ARHGEF33: variants seen among roughly 807,000 people sequenced by gnomAD.
ARHGEF33 encodes DH and coiled-coil domain-containing protein ENSP00000381780.
Under a neutral mutation model 101.9 loss-of-function variants are expected in ARHGEF33, and 72 were observed. The observed-to-expected ratio is 0.71, with a 90% CI of 0.58 to 0.86. ARHGEF33 has a LOEUF of 0.86. Ranked by LOEUF, ARHGEF33 falls within the 40% of genes least tolerant of loss-of-function variation. The pLI, the probability that ARHGEF33 is intolerant of heterozygous loss-of-function variation, is 0.00. For synonymous variants in ARHGEF33, 499 were observed against 442.5 expected (o/e 1.13, Z -1.60); for missense variants, 1,169 against 1,111.3 (o/e 1.05, Z -0.74).
intron 6 of ARHGEF33, 136 bp from the exon 7 acceptor site, chr2:38,930,973 A>G (rs1230306033): frequency 3.2e-6 from 2 of 624,396 alleles, no homozygotes; most frequent in African/African-American, 1.8e-5. Context: ...GACCACTTTT[A>G]ATTTTCAAAA....
chr2:38,896,655 A>T (rs1311969976), intron 2 of ARHGEF33, among the ~76,000 whole-genome samples: 2 of 152,250 alleles, frequency 1.3e-5, no homozygotes, highest in East Asian at 3.8e-4. Context: ...AAAATGAAAT[A>T]AGTAGCACAG....
At chr2:38,909,861 G>T (rs1428337798) in intron 2 of ARHGEF33, among the ~76,000 whole-genome samples, 1 of 151,292 alleles carries the variant, frequency 6.6e-6, no homozygotes, top group African/African-American at 2.4e-5. Flanking sequence ...TTGTTTTCTT[G>T]CGTTACATTG....
chr2:38,957,296 C>T (rs1463494427), intron 14 of ARHGEF33, among the ~76,000 whole-genome samples: 1 of 152,224 alleles, frequency 6.6e-6, no homozygotes, highest in African/African-American at 2.4e-5. Context: ...TCCCATGTTG[C>T]TAACCACCTC....
Position 38,960,384 on chromosome 2 carries a change from G to A in ARHGEF33, c.2079G>A (p.Glu693=), listed in dbSNP as rs13020273. 5.3e-6 allele frequency: 8 copies of A among 1,511,358 alleles called. No homozygotes were observed. The highest frequency in any genetic ancestry group is 7.0e-6 in the Non-Finnish European group (8 of 1,135,014). The allele number at this position is 1,511,358 out of a possible 1,614,324, so 93.6% of individuals were successfully genotyped here. A position where few individuals can be genotyped will look rare whatever the true frequency, so the allele number is the denominator to read the frequency against. ...GCAGCAGCAGCGCCTACAAACTGGAGGCGGCGGCGCAGGCGCACGGCAAGG... is the reference window on the plus strand; with the variant it reads ...GCAGCAGCAGCGCCTACAAACTGGAAGCGGCGGCGCAGGCGCACGGCAAGG... The part of the protein sequence containing the change: ...PAGSSSAYKL[E]AAAQAHGKAK... Residue 693 remains glutamate (E), a synonymous_variant, in exon 16 of 18, where the codon GAG becomes GAA. Transcript: ENST00000409978.
chr2:38,942,468 C>CTTT (rs58695451), intron 9 of ARHGEF33, among the ~76,000 whole-genome samples: 38,784 of 132,528 alleles, frequency 0.29, 6,044 homozygotes, highest in Admixed American at 0.34. Flanking sequence ...CCCCTCTTAT[C>CTTT]TTTTTTTTTT....
intron 2 of ARHGEF33, among the ~76,000 whole-genome samples, chr2:38,904,707 CAAA>C (rs34383703): frequency 3.9e-5 from 5 of 128,556 alleles, no homozygotes; most frequent in Admixed American, 8.1e-5. Context: ...GACTCTGTAT[CAAA>C]AAAAAAAAAA....
chr2:38,910,941 C>T (rs892122536), intron 2 of ARHGEF33, among the ~76,000 whole-genome samples: 12 of 152,254 alleles, frequency 7.9e-5, no homozygotes, highest in Middle Eastern at 3.4e-3. Context: ...TTACTTGAAG[C>T]GACTTCCAGT....
intron 10 of ARHGEF33, among the ~76,000 whole-genome samples, chr2:38,945,262 A>G (rs1254982003): frequency 1.3e-5 from 2 of 152,064 alleles, no homozygotes; most frequent in Non-Finnish European, 2.9e-5. Flanking sequence ...ATCCCCCCAA[A>G]TCTATTTGAC....
At chr2:38,911,168 T>C (rs1666501478) in intron 2 of ARHGEF33, among the ~76,000 whole-genome samples, 1 of 152,200 alleles carries the variant, frequency 6.6e-6, no homozygotes, top group Admixed American at 6.5e-5. Context: ...CAAATAGCCC[T>C]TTTCATAATG....
At chr2:38,892,740 A>G (rs1291254527) in intron 1 of ARHGEF33, among the ~76,000 whole-genome samples, 1 of 152,216 alleles carries the variant, frequency 6.6e-6, no homozygotes, top group Non-Finnish European at 1.5e-5. Context: ...TCTGAGAGTG[A>G]CTATCCAACT....
At chr2:38,945,705 C>T (rs540736384) in intron 10 of ARHGEF33, among the ~76,000 whole-genome samples, 5 of 152,220 alleles carry the variant, frequency 3.3e-5, no homozygotes, top group Non-Finnish European at 4.4e-5. Flanking sequence ...AAGCCAGCAG[C>T]GTCTCTTCTT....
At chr2:38,921,055 G>GGA (rs1240236290) in intron 3 of ARHGEF33, among the ~76,000 whole-genome samples, 14 of 152,254 alleles carry the variant, frequency 9.2e-5, no homozygotes, top group African/African-American at 3.4e-4. Context: ...AGAACATAAG[G>GGA]GAGACACTTC....
intron 9 of ARHGEF33, among the ~76,000 whole-genome samples, chr2:38,938,613 C>A (rs1667217173): frequency 6.6e-6 from 1 of 152,158 alleles, no homozygotes; most frequent in African/African-American, 2.4e-5. Flanking sequence ...GTAAAATTCA[C>A]AGAGCTTACA....
At chr2:38,934,457 C>T (rs1667079735) in intron 7 of ARHGEF33, among the ~76,000 whole-genome samples, 1 of 113,564 alleles carries the variant, frequency 8.8e-6, no homozygotes, top group Non-Finnish European at 1.8e-5. Flanking sequence ...ATCCCTCCCT[C>T]CCCCTTTTCT....
intron 4 of ARHGEF33, among the ~76,000 whole-genome samples, chr2:38,927,176 C>A (rs1666893267): frequency 6.6e-6 from 1 of 152,134 alleles, no homozygotes; most frequent in Admixed American, 6.5e-5. Context: ...CTCTCTGATT[C>A]CTCTTATTGC....
rs150749774 is a variant in ARHGEF33, at chr2:38,920,175, C to T, written c.25+703C>T. On this transcript the variant is annotated intron_variant, in intron 3 of 17. Coordinates refer to ENST00000409978, the MANE Select transcript of ARHGEF33 (RefSeq NM_001145451.5). The stretch of plus-strand genomic sequence containing the variant: ...TGCCTTAGGAGAACAATATACACAT[C>T]CACACAACCAAATGTTTGCAACCAG... Among the ~76,000 whole-genome samples, 630 of 152,244 alleles carry T rather than the reference C, an allele frequency of 4.1e-3. 4 individuals are homozygous for T. The highest frequency in any genetic ancestry group is 0.014 in the African/African-American group (602 of 41,536).
chr2:38,961,941 G>A (rs921340914), intron 16 of ARHGEF33, among the ~76,000 whole-genome samples: 1 of 152,182 alleles, frequency 6.6e-6, no homozygotes, highest in Non-Finnish European at 1.5e-5. Context: ...ACTGTGCCAT[G>A]TCAAAGTGGT....
chr2:38,933,228 A>G (rs1667046298), intron 7 of ARHGEF33, among the ~76,000 whole-genome samples: 1 of 152,160 alleles, frequency 6.6e-6, no homozygotes, highest in African/African-American at 2.4e-5. Flanking sequence ...TGGGGCATCT[A>G]TACCAAGCTT....
At chr2:38,917,562 G>T (rs1666663450) in intron 2 of ARHGEF33, among the ~76,000 whole-genome samples, 1 of 152,038 alleles carries the variant, frequency 6.6e-6, no homozygotes, top group African/African-American at 2.4e-5. Flanking sequence ...AGGCATAGTG[G>T]CTCATGACTG....
Sources: allele counts gnomAD v4.1 joint callset (sites outside exome capture counted in the v4.1 genomes callset), GRCh38; gene constraint gnomAD v4.1.1; transcripts MANE v1.5; gene names NCBI Gene and HGNC (gene_info 2026-07-23, HGNC 2026-07-21).